Variants in CCDC196 observed in about 807,000 individuals in gnomAD.
The protein encoded by CCDC196 is coiled-coil domain containing 196.
At chr14:66,490,973 T>C (rs2057522027) in intron 5 of CCDC196, 48 bp from the exon 6 acceptor site, 1 of 413,432 alleles carries the variant, frequency 2.4e-6, no homozygotes, top group Non-Finnish European at 4.4e-6. Context: ...GACATTGCAC[T>C]TCTTTCCTAG....
In CCDC196 at chr14:66,489,027, T is replaced by C. The variant is rs1213048544; in HGVS notation, c.341T>C (p.Leu114Pro). 5 of 413,194 alleles carry C rather than the reference T, an allele frequency of 1.2e-5. No homozygotes were observed. The East Asian group carries it at 1.4e-4, about 12-fold the overall frequency. The allele number at this position is 413,194 out of a possible 1,614,324, so 25.6% of individuals were successfully genotyped here. A position where few individuals can be genotyped will look rare whatever the true frequency, so the allele number is the denominator to read the frequency against. The change falls in exon 4 of 10, where the codon CTA becomes CCA. Residue 114 changes from leucine to proline, a missense_variant. By Grantham distance (98) the Leu-to-Pro change is moderately conservative. Transcript: ENST00000636229. ...ATGCTTCGGAAGGAAATGGAGATGC[T>C]ATGGAACAAGGTGTGCCTCTAAGGA... ...NKMLRKEMEM[L>P]WNKTFEAEEL...
Position 66,488,186 on chromosome 14 carries a change from C to T in CCDC196, c.230C>T (p.Ala77Val). The T allele has an allele frequency of 2.4e-6, 1 of 413,128 alleles. No homozygotes were observed. The highest frequency in any genetic ancestry group is 4.4e-6 in the Non-Finnish European group (1 of 225,886). 25.6% of individuals were successfully genotyped at this position (413,128 alleles called of 1,614,324 possible). ...CTTCAGATCATGAGACAGATCATGG[C>T]AGGGAAGGGGTGTGAGGAATCCTCG... ...RSLQIMRQIMAGKGCEESSVM... is the reference protein window; with the variant it reads ...RSLQIMRQIMVGKGCEESSVM... The change falls in exon 3 of 10, where the codon GCA (alanine) becomes GTA (valine). Residue 77 changes from alanine to valine, a missense_variant. By Grantham distance (64) the Ala-to-Val change is moderately conservative. Transcript: ENST00000636229.
chr14:66,493,292 A>G (rs1205444810), intron 8 of CCDC196, among the ~76,000 whole-genome samples: 1 of 152,234 alleles, frequency 6.6e-6, no homozygotes, highest in Non-Finnish European at 1.5e-5. Context: ...AGAATGCATA[A>G]TGAGAGTACT....
chr14:66,486,939 G>C, intron 2 of CCDC196, 130 bp downstream of exon 2: 1 of 401,096 alleles, frequency 2.5e-6, no homozygotes, highest in Non-Finnish European at 4.5e-6. Context: ...AGCTGTAGCA[G>C]GCAAACAATT....
chr14:66,489,314 A>G (rs949874145), intron 4 of CCDC196, among the ~76,000 whole-genome samples: 3 of 152,194 alleles, frequency 2.0e-5, no homozygotes, highest in East Asian at 1.9e-4. Context: ...CTTGCTTTCT[A>G]TGCAACCATG....
intron 8 of CCDC196, chr14:66,494,514 T>C (rs1204148772): frequency 6.6e-6 from 1 of 152,244 alleles, no homozygotes; most frequent in Non-Finnish European, 1.5e-5. Context: ...CTATTATTTA[T>C]TCAATATTTG....
chr14:66,492,903 T>C (rs1946122128), intron 8 of CCDC196: 2 of 152,804 alleles, frequency 1.3e-5, no homozygotes, highest in Admixed American at 1.3e-4. Context: ...TGACAAAGGT[T>C]GTGAATTTTG....
chr14:66,488,710 T>C (rs911544260), intron 3 of CCDC196, among the ~76,000 whole-genome samples: 7 of 152,172 alleles, frequency 4.6e-5, no homozygotes, highest in Non-Finnish European at 8.8e-5. Flanking sequence ...TAAGAGCATC[T>C]TAAGTGTTAG....
At chr14:66,497,191 T>C (rs796796311) in intron 8 of CCDC196, among the ~76,000 whole-genome samples, 14 of 152,348 alleles carry the variant, frequency 9.2e-5, no homozygotes, top group African/African-American at 3.1e-4. Context: ...TGAGGCAACC[T>C]GAACCTTTTG....
intron 9 of CCDC196, 61 bp downstream of exon 9, chr14:66,498,228 G>T (rs2057712960): frequency 2.4e-6 from 1 of 412,770 alleles, no homozygotes; most frequent in Non-Finnish European, 4.4e-6. Flanking sequence ...TAGATAGTGG[G>T]TATAGATTTT....
Position 66,490,755 on chromosome 14 carries a change from A to G in CCDC196, c.365A>G (p.Glu122Gly). Reference sequence around the variant, plus strand: ...GTCTTTCCACAGACATTCGAGGCAGAAGAACTTAGTGATCAACAAAAAGCA... The same window carrying G: ...GTCTTTCCACAGACATTCGAGGCAGGAGAACTTAGTGATCAACAAAAAGCA... ...EMLWNKTFEA[E>G]ELSDQQKAPQ... Residue 122 changes from glutamate to glycine, a missense_variant, in exon 5 of 10, where the codon GAA (glutamate) becomes GGA (glycine). Transcript: ENST00000636229. 2.5e-6 allele frequency: 1 copy of G among 399,534 alleles called. No homozygotes were observed. The allele number at this position is 399,534 out of a possible 1,614,324, so 24.7% of individuals were successfully genotyped here. A position where few individuals can be genotyped will look rare whatever the true frequency, so the allele number is the denominator to read the frequency against.
chr14:66,494,490 G>GTGTA (rs2057615418), intron 8 of CCDC196, among the ~76,000 whole-genome samples: 1 of 152,024 alleles, frequency 6.6e-6, no homozygotes, highest in South Asian at 2.1e-4. Flanking sequence ...TTCCAACTTT[G>GTGTA]TGTATCACCT....
rs2057592446 is a variant in CCDC196 at position 66,493,557 on chromosome 14, T to C, written c.715+1363T>C. On this transcript the variant is annotated intron_variant, in intron 8 of 9. Coordinates refer to ENST00000636229, the MANE Select transcript of CCDC196 (RefSeq NM_001351576.1). The stretch of plus-strand genomic sequence containing the variant: ...TTCAGAATCTAAATTTCCTAGGTTG[T>C]TTCTCCTCTGTTCTTTGGCATAATC... 2.0e-5 allele frequency among the ~76,000 whole-genome samples: 3 copies of C among 152,196 alleles called. No homozygotes were observed. The South Asian group carries it at 6.2e-4, about 32-fold the overall frequency.
In CCDC196 at chr14:66,491,079, CA is replaced by C; in HGVS notation, c.489del (p.Glu164ArgfsTer3). ...GAGAGTGAACTGGAGAAATCATTTG[CA>C]GAGAAAGTGAAGGAGATAAGGAAGG... is the stretch of plus-strand genomic sequence containing the variant. The part of the protein sequence containing the change: ...KTESELEKSF[A>X]EKVKEIRKEK... On this transcript the variant is annotated frameshift_variant, in exon 6 of 10. Coordinates refer to ENST00000636229, the MANE Select transcript of CCDC196 (RefSeq NM_001351576.1). LOFTEE classifies it high-confidence loss of function. The C allele has an allele frequency of 2.4e-6, 1 of 413,422 alleles. No homozygotes were observed. The allele number at this position is 413,422 out of a possible 1,614,324, so 25.6% of individuals were successfully genotyped here.
intron 2 of CCDC196, among the ~76,000 whole-genome samples, chr14:66,487,729 A>G (rs2057440922): frequency 6.6e-6 from 1 of 152,182 alleles, no homozygotes; most frequent in Admixed American, 6.6e-5. Flanking sequence ...AGGAAGAAGC[A>G]AGGAAGTGGG....
chr14:66,490,411 A>G (rs2057509449), intron 4 of CCDC196, among the ~76,000 whole-genome samples: 1 of 152,146 alleles, frequency 6.6e-6, no homozygotes, highest in South Asian at 2.1e-4. Flanking sequence ...ATATGGAAAT[A>G]AAAATGGTCC....
chr14:66,486,823 C>T lies in CCDC196; in HGVS notation c.203+14C>T, dbSNP rs918198870. On this transcript the variant is annotated intron_variant, in intron 2 of 9. Transcript: ENST00000636229. ...AAAACAAAGGAGGTACGGGCTCTTA[C>T]TCTGGATTCCTAGAGGTAAAAAGGC... 7.3e-6 allele frequency: 3 copies of T among 412,720 alleles called. No homozygotes were observed. The highest frequency in any genetic ancestry group is 6.2e-5 in the African/African-American group (3 of 48,614). The allele number at this position is 412,720 out of a possible 1,614,324, so 25.6% of individuals were successfully genotyped here.
chr14:66,491,251 G>A (rs2057528109), intron 6 of CCDC196, 147 bp downstream of exon 6: 4 of 398,870 alleles, frequency 1.0e-5, no homozygotes, highest in East Asian at 7.1e-5. Flanking sequence ...CTATATTTGA[G>A]TTAGAGTGAT....
intron 8 of CCDC196, chr14:66,492,857 G>A (rs1594742562): frequency 6.6e-6 from 1 of 152,554 alleles, no homozygotes; most frequent in East Asian, 1.9e-4. Flanking sequence ...AATAGACTCT[G>A]CTACTTCAAA....
Sources: allele counts gnomAD v4.1 joint callset (sites outside exome capture counted in the v4.1 genomes callset), GRCh38; gene constraint gnomAD v4.1.1; transcripts MANE v1.5; gene names NCBI Gene and HGNC (gene_info 2026-07-23, HGNC 2026-07-21).